The following ZNF69 variants were observed in gnomAD, a reference collection of about 807,000 sequenced individuals.
ZNF69 encodes the protein zinc finger protein 69, also known as ZNF3.
A neutral mutation model predicts 50.9 loss-of-function variants in ZNF69; 47 were observed. That is an observed-to-expected ratio of 0.92 (90% confidence interval 0.73 to 1.18). ZNF69 has a LOEUF of 1.18. Among genes scored for constraint, ZNF69 ranks in the 50% most tolerant of loss-of-function variants. The pLI, the probability that ZNF69 is intolerant of heterozygous loss-of-function variation, is 0.00. For synonymous variants in ZNF69, 216 were observed against 223.1 expected (o/e 0.97, Z 0.29); for missense variants, 717 against 675.1 (o/e 1.06, Z -0.69).
the ZNF69 span, among the ~76,000 whole-genome samples, chr19:11,932,023 G>A: frequency 6.8e-6 from 1 of 147,606 alleles, no homozygotes; most frequent in African/African-American, 2.7e-5. Context: ...GCTGAGGCAG[G>A]AGAATCGCTT....
the ZNF69 span, among the ~76,000 whole-genome samples, chr19:11,958,669 A>G: frequency 8.5e-4 from 130 of 152,272 alleles, no homozygotes; most frequent in Non-Finnish European, 1.6e-3. Flanking sequence ...CACACTGCCT[A>G]GGAGTGGGCC....
chr19:11,917,159 C>G (rs1342403298), downstream of ZNF69, among the ~76,000 whole-genome samples: 3 of 152,184 alleles, frequency 2.0e-5, no homozygotes, highest in Non-Finnish European at 4.4e-5. Flanking sequence ...CTCATGGAGT[C>G]TCTGCTAACT....
the ZNF69 span, chr19:11,925,018 TG>T: frequency 5.7e-6 from 3 of 526,900 alleles, no homozygotes; most frequent in South Asian, 3.9e-5. Flanking sequence ...CACTCAGATG[TG>T]GGGGGCGGGA....
chr19:11,944,250 A>G, the ZNF69 span, among the ~76,000 whole-genome samples: 3 of 152,130 alleles, frequency 2.0e-5, no homozygotes, highest in African/African-American at 7.2e-5. Context: ...TCCCCATACT[A>G]TGGGAGGAGG....
At chr19:11,961,908 C>T in the ZNF69 span, 3 of 149,722 alleles carry the variant, frequency 2.0e-5, no homozygotes, top group African/African-American at 7.5e-5. Flanking sequence ...TGAACCACCA[C>T]GCTTGGCCTC....
At chr19:11,907,747 G>A (rs1393103006), downstream of ZNF69, among the ~76,000 whole-genome samples, 1 of 152,182 alleles carries the variant, frequency 6.6e-6, no homozygotes, top group Non-Finnish European at 1.5e-5. Context: ...ATTGAGGCTA[G>A]GAAGAAACTG....
chr19:11,932,625 C>T, the ZNF69 span, among the ~76,000 whole-genome samples: 2 of 141,106 alleles, frequency 1.4e-5, 1 homozygote, highest in Non-Finnish European at 3.0e-5. Context: ...TTTATGCAAA[C>T]CAATATGTGA....
At chr19:11,911,668 G>T (rs912328218), downstream of ZNF69, among the ~76,000 whole-genome samples, 1 of 152,162 alleles carries the variant, frequency 6.6e-6, no homozygotes, top group Non-Finnish European at 1.5e-5. Context: ...ACCAGGGCCT[G>T]TCATGGGGTA....
chr19:11,905,763 A>G lies in ZNF69; in HGVS notation c.1366A>G (p.Met456Val), dbSNP rs763858118. The change falls in exon 4 of 4, where the codon ATG (methionine) becomes GTG (valine). Residue 456 changes from methionine (M) to valine (V), a missense_variant. Transcript: ENST00000429654. ...CQECGKAFRS[M>V]KNLQSHERTQ... ...GGAATGTGGGAAAGCCTTCAGATCT[A>G]TGAAGAACCTTCAAAGTCATGAAAG... The G allele has an allele frequency of 7.4e-6, 12 of 1,611,468 alleles. No individual in the cohort carries two copies. Among genetic ancestry groups the G allele is most frequent in the East Asian group, 2.2e-5 (1 of 44,644 alleles).
chr19:11,944,756 C>A, the ZNF69 span, among the ~76,000 whole-genome samples: 2 of 152,220 alleles, frequency 1.3e-5, no homozygotes, highest in East Asian at 1.9e-4. Context: ...GACGGTTGGA[C>A]CCTGCCTTGC....
At chr19:11,946,620 G>A in the ZNF69 span, 1 of 152,180 alleles carries the variant, frequency 6.6e-6, no homozygotes, top group African/African-American at 2.4e-5. Flanking sequence ...TTGAAATAAG[G>A]GACCTATCCA....
chr19:11,909,759 A>C (rs1343637232), downstream of ZNF69, among the ~76,000 whole-genome samples: 1 of 151,992 alleles, frequency 6.6e-6, no homozygotes, highest in African/African-American at 2.4e-5. Flanking sequence ...GAAAACTGGC[A>C]CAAGACAGGG....
At chr19:11,936,730 T>A in the ZNF69 span, among the ~76,000 whole-genome samples, 308 of 152,342 alleles carry the variant, frequency 2.0e-3, 2 homozygotes, top group African/African-American at 6.8e-3. Flanking sequence ...CTGTTGCCAT[T>A]GCTTTTGGTG....
the ZNF69 span, among the ~76,000 whole-genome samples, chr19:11,952,025 A>T: frequency 6.6e-6 from 1 of 152,154 alleles, no homozygotes; most frequent in African/African-American, 2.4e-5. Context: ...AATTACAAAA[A>T]TTAGCCAGGT....
the ZNF69 span, among the ~76,000 whole-genome samples, chr19:11,922,048 G>A: frequency 2.0e-5 from 3 of 151,454 alleles, no homozygotes; most frequent in Non-Finnish European, 4.4e-5. Context: ...ACCTTATCAA[G>A]AAGATAACGA....
At chr19:11,898,477 G>A (rs987508065) in intron 1 of ZNF69, among the ~76,000 whole-genome samples, 1 of 142,082 alleles carries the variant, frequency 7.0e-6, no homozygotes, top group Non-Finnish European at 1.5e-5. Flanking sequence ...AGCAACCTCC[G>A]TCTCCCGGGT....
chr19:11,953,317 A>G, the ZNF69 span: 1 of 152,334 alleles, frequency 6.6e-6, no homozygotes, highest in Non-Finnish European at 1.5e-5. Context: ...AGAGCCTGAC[A>G]TTGGCCTAGA....
Position 11,906,118 on chromosome 19 carries a change from C to A in ZNF69, c.*20C>A. On this transcript the variant is annotated 3_prime_UTR_variant, in exon 4 of 4. Transcript: ENST00000429654. The stretch of plus-strand genomic sequence containing the variant: ...CAATGAGGGAAAGCCTTCAGATCTG[C>A]CTCACACCTTTGAATGCATGGTAGG... 1 of 1,605,868 alleles carries A rather than the reference C, an allele frequency of 6.2e-7. No homozygotes were observed. The highest frequency in any genetic ancestry group is 8.5e-7 in the Non-Finnish European group (1 of 1,177,558).
chr19:11,947,443 G>A, the ZNF69 span: 1 of 1,599,306 alleles, frequency 6.3e-7, no homozygotes, highest in Non-Finnish European at 8.5e-7. Context: ...GTAAATCATG[G>A]GCACAGAATC....
Sources: gnomAD v4.1 joint callset for allele counts (sites outside exome capture counted in the v4.1 genomes callset) on GRCh38, gnomAD v4.1.1 for gene constraint, MANE v1.5 for transcripts, NCBI Gene and HGNC (gene_info 2026-07-23, HGNC 2026-07-21) for gene names.